Variants in ARMC9 observed in about 807,000 individuals in gnomAD.
ARMC9 encodes lisH domain-containing protein ARMC9.
A neutral mutation model predicts 107.0 loss-of-function variants in ARMC9; 94 were observed. The ratio of observed to expected loss-of-function variants is 0.88; its 90% CI spans 0.74 to 1.04. The LOEUF is 1.04. Among genes scored for constraint, ARMC9 ranks in the 50% least tolerant of loss-of-function variants. The pLI, the probability that ARMC9 is intolerant of heterozygous loss-of-function variation, is 0.00. For missense variants in ARMC9, 942 were observed against 1,030.1 expected (o/e 0.91, Z 1.17); for synonymous variants, 380 against 396.9 (o/e 0.96, Z 0.51).
intron 21 of ARMC9, among the ~76,000 whole-genome samples, chr2:231,354,960 G>A (rs544343133): frequency 2.0e-5 from 3 of 152,222 alleles, no homozygotes; most frequent in South Asian, 2.1e-4. Context: ...TCTGCTGGGC[G>A]AAGGTGTCTC....
intron 9 of ARMC9, among the ~76,000 whole-genome samples, chr2:231,250,966 A>C (rs1324585314): frequency 1.3e-5 from 2 of 152,150 alleles, no homozygotes; most frequent in Non-Finnish European, 2.9e-5. Context: ...ATGCCTGGTG[A>C]CTAGTGAGCC....
At chr2:231,271,412 G>A (rs1170359008) in intron 13 of ARMC9, among the ~76,000 whole-genome samples, 2 of 152,166 alleles carry the variant, frequency 1.3e-5, no homozygotes, top group African/African-American at 2.4e-5. Flanking sequence ...GGCAAAATAA[G>A]TGAAACAATT....
chr2:231,330,870 A>C (rs547724746), intron 19 of ARMC9, among the ~76,000 whole-genome samples: 1 of 152,100 alleles, frequency 6.6e-6, no homozygotes, highest in African/African-American at 2.4e-5. Context: ...TTTTGTTTTC[A>C]CCATTGACAT....
At position 231,214,821 on chromosome 2, in the gene ARMC9, T is replaced by C; in HGVS notation, c.178-10T>C. The stretch of plus-strand genomic sequence containing the variant: ...ACAACGAGGTATGTAGTCTGATGTC[T>C]TCTCCACAGAAGGATCTTGTCGCTG... On this transcript the variant is annotated splice_polypyrimidine_tract_variant and intron_variant, in intron 3 of 24. Coordinates refer to ENST00000611582, the MANE Select transcript of ARMC9 (RefSeq NM_001352754.2). The C allele has an allele frequency of 1.2e-6, 2 of 1,613,358 alleles. No individual in the cohort carries two copies. The highest frequency in any genetic ancestry group is 1.7e-6 in the Non-Finnish European group (2 of 1,179,434).
At chr2:231,351,999 G>A (rs116225144) in intron 21 of ARMC9, among the ~76,000 whole-genome samples, 99 of 152,078 alleles carry the variant, frequency 6.5e-4, no homozygotes, top group African/African-American at 2.2e-3. Context: ...ACAGCATCTC[G>A]CTCTGTCACC....
intron 9 of ARMC9, among the ~76,000 whole-genome samples, chr2:231,244,296 A>G (rs1259513050): frequency 6.6e-6 from 1 of 151,882 alleles, no homozygotes; most frequent in Non-Finnish European, 1.5e-5. Flanking sequence ...AGGACAAAAG[A>G]GTAAAGGAAA....
intron 19 of ARMC9, among the ~76,000 whole-genome samples, chr2:231,314,196 C>T (rs1008676488): frequency 2.6e-4 from 40 of 151,866 alleles, no homozygotes; most frequent in Non-Finnish European, 4.9e-4. Flanking sequence ...TCTCCTGCCT[C>T]ACCCTCCCAA....
chr2:231,267,005 C>G (rs972687027), intron 12 of ARMC9, among the ~76,000 whole-genome samples: 2 of 152,204 alleles, frequency 1.3e-5, no homozygotes, highest in African/African-American at 4.8e-5. Context: ...CAAGCATCAG[C>G]CTTGCTCTGC....
At chr2:231,250,239 G>A (rs892074254) in intron 9 of ARMC9, among the ~76,000 whole-genome samples, 10 of 152,296 alleles carry the variant, frequency 6.6e-5, no homozygotes, top group African/African-American at 2.4e-4. Context: ...TTTTCTGACT[G>A]GTGATTGGTG....
chr2:231,231,825 A>G (rs905723739), intron 7 of ARMC9, among the ~76,000 whole-genome samples: 1 of 151,576 alleles, frequency 6.6e-6, no homozygotes, highest in South Asian at 2.1e-4. Flanking sequence ...AGTAGCTGGG[A>G]TTACAAGAGT....
chr2:231,218,866 C>CT (rs1465743758), intron 5 of ARMC9, among the ~76,000 whole-genome samples: 2 of 152,024 alleles, frequency 1.3e-5, no homozygotes, highest in East Asian at 1.9e-4. Flanking sequence ...ATTCTCCTGC[C>CT]TCAGGCTCCT....
intron 12 of ARMC9, among the ~76,000 whole-genome samples, chr2:231,269,305 G>C (rs1203747224): frequency 1.3e-5 from 2 of 151,348 alleles, no homozygotes; most frequent in Non-Finnish European, 2.9e-5. Context: ...TTCTCTCTCT[G>C]AATGTTGAAC....
intron 9 of ARMC9, among the ~76,000 whole-genome samples, chr2:231,251,319 A>G (rs2037279753): frequency 6.6e-6 from 1 of 152,050 alleles, no homozygotes; most frequent in South Asian, 2.1e-4. Flanking sequence ...GGTGCCCGCC[A>G]CCACACCTGG....
At position 231,256,640 on chromosome 2, in the gene ARMC9, A is replaced by G; in HGVS notation, c.914+20A>G. 1 of 1,610,628 alleles carries G rather than the reference A, an allele frequency of 6.2e-7. No individual in the cohort carries two copies. The highest frequency in any genetic ancestry group is 8.5e-7 in the Non-Finnish European group (1 of 1,176,886). ...ACCCGTGTAAGTAACTGCTCTTAGG[A>G]ATTTTTATTAAGGAGAACAGCAATG... On this transcript the variant is annotated intron_variant, in intron 10 of 24. Coordinates refer to ENST00000611582, the MANE Select transcript of ARMC9 (RefSeq NM_001352754.2).
chr2:231,242,260 A>G (rs923343191), intron 9 of ARMC9, among the ~76,000 whole-genome samples: 1 of 151,860 alleles, frequency 6.6e-6, no homozygotes, highest in Admixed American at 6.6e-5. Flanking sequence ...GGATCTTCAT[A>G]GAAGGCACGT....
At chr2:231,206,800 T>C (rs1417588567) in intron 2 of ARMC9, among the ~76,000 whole-genome samples, 1 of 152,224 alleles carries the variant, frequency 6.6e-6, no homozygotes, top group Non-Finnish European at 1.5e-5. Context: ...TTTCCTACGC[T>C]AAAAGCTTTG....
Position 231,273,081 on chromosome 2 carries a change from A to G in ARMC9, c.1334+3A>G, listed in dbSNP as rs781049794. 1.9e-6 allele frequency: 3 copies of G among 1,612,562 alleles called. No homozygotes were observed. In the South Asian group the frequency reaches 3.3e-5, roughly 18 times the overall value. On this transcript the variant is annotated splice_donor_region_variant and intron_variant, in intron 14 of 24. Transcript: ENST00000611582. ...GCCCTGCAGAAGTTCAGTCTCAGGTAACGACTGTGCAATAGGTCACGGTGT... is the reference window on the plus strand; with the variant it reads ...GCCCTGCAGAAGTTCAGTCTCAGGTGACGACTGTGCAATAGGTCACGGTGT...
At chr2:231,237,751 ATG>A (rs1238247179) in intron 8 of ARMC9, among the ~76,000 whole-genome samples, 2 of 48,312 alleles carry the variant, frequency 4.1e-5, no homozygotes, top group Admixed American at 3.1e-4. Flanking sequence ...TCTTGGCTAT[ATG>A]TATATATATA....
rs1264383934 is a variant in ARMC9 at position 231,297,091 on chromosome 2, T to C, written c.1773+838T>C. Among the ~76,000 whole-genome samples, 1 of 152,216 alleles carries C rather than the reference T, an allele frequency of 6.6e-6. No homozygotes were observed. The highest frequency in any genetic ancestry group is 2.4e-5 in the African/African-American group (1 of 41,466). On this transcript the variant is annotated intron_variant, in intron 19 of 24. Transcript: ENST00000611582. The surrounding 1 kb of genome is among the most constrained non-coding windows in gnomAD (Gnocchi z 4.2). ...GTGTAAAAGCCAGGTTTTTGATCAC[T>C]GATGGCATCAGTTGGGAAAGAGGTA...
Sources: allele counts gnomAD v4.1 joint callset (sites outside exome capture counted in the v4.1 genomes callset), GRCh38; gene constraint gnomAD v4.1.1; non-coding constraint Gnocchi (gnomAD v3.1); transcripts MANE v1.5; gene names NCBI Gene and HGNC (gene_info 2026-07-23, HGNC 2026-07-21).